ANAPC1: variants seen among roughly 807,000 people sequenced by gnomAD.
The protein encoded by ANAPC1 is anaphase-promoting complex subunit 1.
Under a neutral mutation model 208.0 loss-of-function variants are expected in ANAPC1, and 36 were observed. The observed-to-expected ratio is 0.17, with a 90% CI of 0.13 to 0.23. The LOEUF (loss-of-function observed/expected upper bound fraction) is 0.23. ANAPC1 is among the 10% of genes least tolerant of loss of function. The pLI is 1.00. For synonymous variants in ANAPC1, 378 were observed against 695.2 expected (o/e 0.54, Z 7.18); for missense variants, 942 against 2,011.6 (o/e 0.47, Z 10.17).
chr2:111,859,158 G>A (rs1246919595), intron 10 of ANAPC1, among the ~76,000 whole-genome samples: 1 of 151,916 alleles, frequency 6.6e-6, no homozygotes, highest in Non-Finnish European at 1.5e-5. Context: ...TTTTGAAATC[G>A]TATCTCTAAT....
At chr2:111,832,024 G>A (rs2104460351) in intron 20 of ANAPC1, among the ~76,000 whole-genome samples, 1 of 146,510 alleles carries the variant, frequency 6.8e-6, no homozygotes, top group Non-Finnish European at 1.5e-5. Context: ...TGGATGTGGT[G>A]GCTAACACCT....
At chr2:111,853,778 G>A (rs1219342490) in intron 13 of ANAPC1, among the ~76,000 whole-genome samples, 3 of 151,832 alleles carry the variant, frequency 2.0e-5, no homozygotes, top group Non-Finnish European at 2.9e-5. Context: ...GTGCAGTGGC[G>A]TAATCTCGGC....
chr2:111,826,153 G>T (rs1362198826), intron 21 of ANAPC1, among the ~76,000 whole-genome samples: 2 of 152,128 alleles, frequency 1.3e-5, no homozygotes, highest in Non-Finnish European at 1.5e-5. Context: ...CTCCCAAACT[G>T]CTGGGATTAT....
chr2:111,777,216 G>A (rs1373532354), intron 45 of ANAPC1, among the ~76,000 whole-genome samples, 159 bp from the exon 46 acceptor site: 8 of 152,244 alleles, frequency 5.3e-5, no homozygotes, highest in East Asian at 1.9e-4. Context: ...CAGAGGAGCC[G>A]TCACTGGGTA....
At chr2:111,883,639 A>AG (rs1409494321) in intron 1 of ANAPC1, among the ~76,000 whole-genome samples, 13 of 152,194 alleles carry the variant, frequency 8.5e-5, no homozygotes, top group Non-Finnish European at 1.5e-5. Flanking sequence ...TGAGAGCCCG[A>AG]GGCTCAGAAA....
chr2:111,854,652 T>C (rs971202435), intron 13 of ANAPC1, among the ~76,000 whole-genome samples: 29 of 152,214 alleles, frequency 1.9e-4, no homozygotes, highest in Admixed American at 5.9e-4. Context: ...TTCTGTGTTA[T>C]GGGGAGGGCT....
Position 111,880,436 on chromosome 2 carries a change from G to A in ANAPC1, c.213+177C>T, listed in dbSNP as rs549817363. On this transcript the variant is annotated intron_variant, in intron 2 of 47. Transcript: ENST00000341068. ...CAAGTTATAGAGGGTATCTAAATAA[G>A]TCGCTATGACAATGTAATAAAGTCA... 2.2e-5 allele frequency: 23 copies of A among 1,052,168 alleles called. No homozygotes were observed. The African/African-American group carries it at 3.7e-4, about 17-fold the overall frequency. The allele number at this position is 1,052,168 out of a possible 1,614,324, so 65.2% of individuals were successfully genotyped here. A position where few individuals can be genotyped will look rare whatever the true frequency, so the allele number is the denominator to read the frequency against.
downstream of ANAPC1, chr2:111,766,662 C>T (rs533009948): frequency 2.1e-5 from 6 of 289,970 alleles, no homozygotes; most frequent in Non-Finnish European, 3.6e-5. Context: ...CGGGAGGCAA[C>T]GAAGTCTTCC....
chr2:111,855,487 T>C (rs3849313), intron 13 of ANAPC1, among the ~76,000 whole-genome samples: 88,388 of 151,912 alleles, frequency 0.58, 26,641 homozygotes, highest in South Asian at 0.69. Flanking sequence ...AAGCACAAAA[T>C]GAGGTACGAT....
At chr2:111,835,913 A>T (rs887658409) in intron 18 of ANAPC1, among the ~76,000 whole-genome samples, 6 of 152,210 alleles carry the variant, frequency 3.9e-5, no homozygotes, top group Non-Finnish European at 7.3e-5. Context: ...CTCATCAAAG[A>T]CACTGTTAAA....
At chr2:111,775,262 C>T (rs1676945941) in intron 46 of ANAPC1, among the ~76,000 whole-genome samples, 1 of 152,120 alleles carries the variant, frequency 6.6e-6, no homozygotes, top group African/African-American at 2.4e-5. Context: ...GAGACTCTGT[C>T]TCAAAGAAAG....
In ANAPC1 at chr2:111,777,122, G is replaced by A. The variant is rs566696978; in HGVS notation, c.5386-65C>T. On this transcript the variant is annotated intron_variant, in intron 45 of 47. Transcript: ENST00000341068. ...AGTGCTCTGTCTCTTCATCAGAGTT[G>A]TAGACTGAGTATTTTTTAAATGTGG... 3.2e-4 allele frequency: 170 copies of A among 532,954 alleles called. 4 individuals are homozygous for A. In the South Asian group the frequency reaches 3.3e-3, roughly 10 times the overall value. 33.0% of individuals were successfully genotyped at this position (532,954 alleles called of 1,614,324 possible). A position where few individuals can be genotyped will look rare whatever the true frequency, so the allele number is the denominator to read the frequency against.
At chr2:111,849,024 T>G (rs1417335457) in intron 14 of ANAPC1, among the ~76,000 whole-genome samples, 1 of 152,280 alleles carries the variant, frequency 6.6e-6, no homozygotes, top group Non-Finnish European at 1.5e-5. Flanking sequence ...ACTCTAGTCA[T>G]GACCACTGAT....
intron 27 of ANAPC1, among the ~76,000 whole-genome samples, chr2:111,816,828 T>G (rs1679263502): frequency 7.7e-6 from 1 of 129,278 alleles, no homozygotes; most frequent in Non-Finnish European, 1.7e-5. Flanking sequence ...AAAGTAAGAC[T>G]TATTTGTCTT....
chr2:111,780,859 G>C (rs1677234535), intron 43 of ANAPC1: 1 of 159,298 alleles, frequency 6.3e-6, no homozygotes, highest in African/African-American at 2.6e-5. Flanking sequence ...AGTAGAATGA[G>C]GGGTTATTGT....
rs977039043 is a variant in ANAPC1, at chr2:111,853,968, G to A, written c.1515+2646C>T. 5.8e-4 allele frequency among the ~76,000 whole-genome samples: 88 copies of A among 152,166 alleles called. 1 individual carries two copies. Among genetic ancestry groups the A allele is most frequent in the Admixed American group, 1.2e-3 (18 of 15,288 alleles). ...CCTGACCTCATGATCCACCTGCCTC[G>A]GCCTCCCAAAGTGCTAGGATTACAG... On this transcript the variant is annotated intron_variant, in intron 13 of 47. Coordinates refer to ENST00000341068, the MANE Select transcript of ANAPC1 (RefSeq NM_022662.4).
At chr2:111,882,694 G>A (rs11685115) in intron 1 of ANAPC1, among the ~76,000 whole-genome samples, 11,426 of 150,032 alleles carry the variant, frequency 0.076, 599 homozygotes, top group South Asian at 0.21. Context: ...CCGAGATCGC[G>A]CCATTGTACT....
In ANAPC1 at chr2:111,772,345, T is replaced by C; in HGVS notation, c.5715A>G (p.Leu1905=). Residue 1905 remains leucine, a synonymous_variant, in exon 47 of 48, where the codon CTA becomes CTG. Transcript: ENST00000341068. ...PAPQHLPPIG[L]EGSTSFAELL... ...AAGACTTAGATATGCAATTACCTTC[T>C]AGTCCTATAGGTGGCAGGTGCTGTG... 1 of 1,613,380 alleles carries C rather than the reference T, an allele frequency of 6.2e-7. No homozygotes were observed. The highest frequency in any genetic ancestry group is 8.5e-7 in the Non-Finnish European group (1 of 1,179,746).
intron 38 of ANAPC1, among the ~76,000 whole-genome samples, chr2:111,790,570 G>A (rs1405335691): frequency 6.6e-6 from 1 of 152,186 alleles, no homozygotes; most frequent in Non-Finnish European, 1.5e-5. Context: ...TCCGTGCCAG[G>A]TAGATTTTAG....
Sources: gnomAD v4.1 joint callset for allele counts (sites outside exome capture counted in the v4.1 genomes callset) on GRCh38, gnomAD v4.1.1 for gene constraint, MANE v1.5 for transcripts, NCBI Gene and HGNC (gene_info 2026-07-23, HGNC 2026-07-21) for gene names.